CTNNA2: variants seen among roughly 807,000 people sequenced by gnomAD.
CTNNA2 encodes the protein catenin alpha-2.
Under a neutral mutation model 101.0 loss-of-function variants are expected in CTNNA2, and 42 were observed. The observed-to-expected ratio is 0.42, with a 90% CI of 0.32 to 0.54. The LOEUF (loss-of-function observed/expected upper bound fraction) is 0.54, where lower values mean the gene tolerates loss of function less well. CTNNA2 is among the 20% of genes least tolerant of loss of function. The probability of loss-of-function intolerance (pLI) is 0.14; values close to 1 mark genes in which losing one functional copy is unlikely to be tolerated. For missense variants in CTNNA2, 871 were observed against 1,223.1 expected (o/e 0.71, Z 4.29); for synonymous variants, 450 against 456.4 (o/e 0.99, Z 0.18).
At chr2:80,476,461 T>G (rs1685738261) in intron 9 of CTNNA2, among the ~76,000 whole-genome samples, 1 of 152,130 alleles carries the variant, frequency 6.6e-6, no homozygotes, top group African/African-American at 2.4e-5. Flanking sequence ...ATCAGTCAAT[T>G]CTCAGAAAAC....
chr2:80,564,522 TTTTTA>T (rs1343022146), intron 12 of CTNNA2, among the ~76,000 whole-genome samples: 1 of 151,412 alleles, frequency 6.6e-6, no homozygotes, highest in African/African-American at 2.4e-5. Flanking sequence ...TTTTTTTTTT[TTTTTA>T]CCCCCTCCTT....
chr2:79,388,495 A>G (rs1369389687), intron 4 of CTNNA2, among the ~76,000 whole-genome samples: 3 of 152,216 alleles, frequency 2.0e-5, no homozygotes, highest in Non-Finnish European at 4.4e-5. Flanking sequence ...TTTTGTAGTT[A>G]CATATGTATT....
At chr2:79,373,660 C>T (rs1053715831) in intron 3 of CTNNA2, among the ~76,000 whole-genome samples, 1 of 58,836 alleles carries the variant, frequency 1.7e-5, no homozygotes, top group Non-Finnish European at 3.0e-5. Context: ...ACGGTAACTC[C>T]CTGGAAGCAT....
Position 79,555,465 on chromosome 2 carries a change from AT to A in CTNNA2, c.-6+42261del, listed in dbSNP as rs764602980. ...GTTAATATGAGTTTACATACTACGA[AT>A]TTAGAAGAGGCAGTCATGGATCTCA... On this transcript the variant is annotated intron_variant, in intron 1 of 18. Coordinates refer to ENST00000402739, the MANE Select transcript of CTNNA2 (RefSeq NM_001282597.3). Among the ~76,000 whole-genome samples, 20 of 152,272 alleles carry A rather than the reference AT, an allele frequency of 1.3e-4. No individual in the cohort carries two copies. In the East Asian group the frequency reaches 3.5e-3, roughly 26 times the overall value.
At chr2:80,083,813 C>T (rs1168164334) in intron 7 of CTNNA2, among the ~76,000 whole-genome samples, 2 of 152,066 alleles carry the variant, frequency 1.3e-5, no homozygotes, top group Admixed American at 1.3e-4. Flanking sequence ...AAAGGCAATA[C>T]ATTTATGAAT....
chr2:80,328,181 C>A, intron 7 of CTNNA2: 1 of 435,654 alleles, frequency 2.3e-6, no homozygotes, highest in Non-Finnish European at 4.8e-6. Flanking sequence ...CTAATCCCAG[C>A]AATCAGAGAG....
At chr2:80,413,106 A>G (rs938334515) in intron 8 of CTNNA2, among the ~76,000 whole-genome samples, 3 of 152,192 alleles carry the variant, frequency 2.0e-5, no homozygotes, top group African/African-American at 4.8e-5. Flanking sequence ...CCTAACTTTT[A>G]TACTGACTAT....
intron 7 of CTNNA2, among the ~76,000 whole-genome samples, chr2:80,375,562 C>CTTTTTTTTTTTT (rs199662476): frequency 9.5e-6 from 1 of 105,620 alleles, no homozygotes; most frequent in African/African-American, 4.2e-5. Context: ...TTTCTGGCTT[C>CTTTTTTTTTTTT]TTTTTTTTTT....
intron 3 of CTNNA2, chr2:79,320,030 AT>A (rs1676582761): frequency 6.6e-6 from 1 of 152,100 alleles, no homozygotes; most frequent in African/African-American, 2.4e-5. Flanking sequence ...TCAGATAAAC[AT>A]TTTTTGAGTG....
intron 2 of CTNNA2, among the ~76,000 whole-genome samples, chr2:79,715,661 G>T (rs1170809833): frequency 6.6e-6 from 1 of 152,100 alleles, no homozygotes; most frequent in Non-Finnish European, 1.5e-5. Flanking sequence ...CCTGAGAAAG[G>T]CTTAGGAATT....
At chr2:80,413,913 C>T (rs1249100912) in intron 8 of CTNNA2, among the ~76,000 whole-genome samples, 4 of 152,130 alleles carry the variant, frequency 2.6e-5, no homozygotes, top group Admixed American at 6.5e-5. Flanking sequence ...AAGAAGTTAA[C>T]ACTATTATTC....
intron 6 of CTNNA2, among the ~76,000 whole-genome samples, chr2:79,889,100 A>G (rs1684111314): frequency 6.6e-6 from 1 of 152,102 alleles, no homozygotes; most frequent in African/African-American, 2.4e-5. Context: ...TGTGCTTCCT[A>G]TGTTACAGTG....
At position 80,238,294 on chromosome 2, in the gene CTNNA2, A is replaced by G. The variant is rs555053574; in HGVS notation, c.1057-154917A>G. On this transcript the variant is annotated intron_variant, in intron 7 of 18. Coordinates refer to ENST00000402739, the MANE Select transcript of CTNNA2 (RefSeq NM_001282597.3). ...GACAGCACGTTGTGCAGTCGAGTTC[A>G]TGTAGCCACTTCCTGCACAGAAAGA... 1.7e-3 allele frequency among the ~76,000 whole-genome samples: 262 copies of G among 152,298 alleles called. No individual in the cohort carries two copies. The Middle Eastern group carries it at 0.02, about 12-fold the overall frequency.
chr2:79,947,597 T>C (rs1449845979), intron 7 of CTNNA2, among the ~76,000 whole-genome samples: 2 of 152,212 alleles, frequency 1.3e-5, no homozygotes, highest in African/African-American at 2.4e-5. Flanking sequence ...TAAGTTCCTT[T>C]TAGTCAAATA....
At chr2:80,624,728 G>A (rs947494369) in intron 18 of CTNNA2, among the ~76,000 whole-genome samples, 12 of 151,774 alleles carry the variant, frequency 7.9e-5, no homozygotes, top group East Asian at 1.9e-4. Flanking sequence ...GTTTTCTGCC[G>A]TTAATTTCAG....
chr2:79,389,422 A>G (rs6756780), intron 4 of CTNNA2, among the ~76,000 whole-genome samples: 1,906 of 152,320 alleles, frequency 0.013, 41 homozygotes, highest in African/African-American at 0.043. Flanking sequence ...GATAAAAAGC[A>G]TGGGGGAGAA....
chr2:80,580,662 G>T (rs994229653), intron 13 of CTNNA2, among the ~76,000 whole-genome samples: 5 of 152,156 alleles, frequency 3.3e-5, no homozygotes, highest in Non-Finnish European at 5.9e-5. Flanking sequence ...TTATGGGTAT[G>T]TGGTAATCAG....
chr2:80,244,100 A>G (rs764741646), intron 7 of CTNNA2, among the ~76,000 whole-genome samples: 5 of 152,354 alleles, frequency 3.3e-5, no homozygotes, highest in Non-Finnish European at 7.3e-5. Flanking sequence ...AAGAGAAACT[A>G]TCTATTTTGT....
chr2:79,673,183 C>G (rs1347880164), intron 2 of CTNNA2, among the ~76,000 whole-genome samples: 1 of 151,916 alleles, frequency 6.6e-6, no homozygotes, highest in Non-Finnish European at 1.5e-5. Context: ...TAGTTTTGCT[C>G]TATTACAAAA....
Sources: allele counts gnomAD v4.1 joint callset (sites outside exome capture counted in the v4.1 genomes callset), GRCh38; gene constraint gnomAD v4.1.1; transcripts MANE v1.5; gene names NCBI Gene and HGNC (gene_info 2026-07-23, HGNC 2026-07-21).